The following LAMA2 variants were observed in gnomAD, a reference collection of about 807,000 sequenced individuals.
LAMA2 encodes the protein laminin subunit alpha 2.
In LAMA2, 269 loss-of-function variants were observed where a neutral mutation model predicts 364.8. The ratio of observed to expected loss-of-function variants is 0.74; its 90% CI spans 0.67 to 0.82. LAMA2 has a LOEUF of 0.82. Ranked by LOEUF, LAMA2 falls within the 40% of genes least tolerant of loss-of-function variation. The pLI is 0.00. For synonymous variants in LAMA2, 1,379 were observed against 1,370.6 expected, an observed-to-expected ratio of 1.01 and a Z score of -0.14; for missense variants, 3,807 against 3,873.2, an observed-to-expected ratio of 0.98 and a Z score of 0.45.
chr6:129,327,554 C>T (rs1292594456), intron 28 of LAMA2, among the ~76,000 whole-genome samples: 5 of 152,170 alleles, frequency 3.3e-5, no homozygotes, highest in Non-Finnish European at 5.9e-5. Flanking sequence ...AAACACAAGA[C>T]GGTTTTCATC....
intron 45 of LAMA2, among the ~76,000 whole-genome samples, chr6:129,448,403 ATGCCTTATT>A (rs1782501031): frequency 6.6e-6 from 1 of 152,236 alleles, no homozygotes. Flanking sequence ...TTACAACACA[ATGCCTTATT>A]TTTTGTAAGA....
At chr6:129,075,570 T>A (rs905069536) in intron 3 of LAMA2, among the ~76,000 whole-genome samples, 2 of 152,158 alleles carry the variant, frequency 1.3e-5, no homozygotes. Flanking sequence ...TGATGGTAAC[T>A]TGGAATAGAG....
At chr6:128,969,362 A>G (rs772749474) in intron 1 of LAMA2, among the ~76,000 whole-genome samples, 20 of 152,162 alleles carry the variant, frequency 1.3e-4, no homozygotes, top group Non-Finnish European at 2.2e-4. Context: ...CTGAGAATAG[A>G]TTTTAGCTGT....
At chr6:129,486,654 A>G (rs775705429) in intron 56 of LAMA2, 32 bp downstream of exon 56, 1 of 1,588,544 alleles carries the variant, frequency 6.3e-7, no homozygotes, top group Non-Finnish European at 8.6e-7. Flanking sequence ...TTATTATTGT[A>G]ACTCAGGTGA....
At chr6:129,067,545 C>T (rs1789452401) in intron 3 of LAMA2, among the ~76,000 whole-genome samples, 2 of 152,184 alleles carry the variant, frequency 1.3e-5, no homozygotes, top group African/African-American at 2.4e-5. Flanking sequence ...GATCACATAA[C>T]ACTTTCCACT....
At chr6:129,115,851 A>T (rs1478800) in intron 4 of LAMA2, among the ~76,000 whole-genome samples, 1 of 151,934 alleles carries the variant, frequency 6.6e-6, no homozygotes, top group Non-Finnish European at 1.5e-5. Context: ...AAATGAGATA[A>T]TTTACATAAC....
intron 12 of LAMA2, among the ~76,000 whole-genome samples, chr6:129,208,124 G>C (rs899724108): frequency 6.6e-6 from 1 of 152,144 alleles, no homozygotes; most frequent in Non-Finnish European, 1.5e-5. Flanking sequence ...AAAATAGGGG[G>C]TGGACATTTT....
At chr6:128,923,240 G>T (rs1344577159) in intron 1 of LAMA2, among the ~76,000 whole-genome samples, 2 of 151,424 alleles carry the variant, frequency 1.3e-5, no homozygotes, top group East Asian at 1.9e-4. Context: ...TTCCAACTCT[G>T]TGAAGAAAGT....
chr6:129,408,813 G>A (rs1335927454), intron 40 of LAMA2, among the ~76,000 whole-genome samples: 3 of 152,174 alleles, frequency 2.0e-5, no homozygotes, highest in Admixed American at 6.5e-5. Flanking sequence ...CCCATTGAGC[G>A]ATGACAGGGT....
At chr6:129,138,656 T>C (rs1335047284) in intron 4 of LAMA2, among the ~76,000 whole-genome samples, 1 of 152,158 alleles carries the variant, frequency 6.6e-6, no homozygotes, top group Non-Finnish European at 1.5e-5. Flanking sequence ...AATATTTCAA[T>C]ATTCCATTGA....
chr6:129,410,244 T>G lies in LAMA2; in HGVS notation c.5865+6285T>G, dbSNP rs958377382. Among the ~76,000 whole-genome samples the G allele has an allele frequency of 1.6e-4, 25 of 152,246 alleles. No individual in the cohort carries two copies. In the South Asian group the frequency reaches 2.5e-3, roughly 15 times the overall value. On this transcript the variant is annotated intron_variant, in intron 40 of 64. Coordinates refer to ENST00000421865, the MANE Select transcript of LAMA2 (RefSeq NM_000426.4). ...TCCTTCCTTTCCTCCCTTTCTCCCT[T>G]TCTCTAAGTCAGTGGAATAGTCTAG...
chr6:129,366,490 C>T (rs1406337502), intron 33 of LAMA2, 129 bp downstream of exon 33: 3 of 1,013,562 alleles, frequency 3.0e-6, no homozygotes, highest in African/African-American at 1.6e-5. Context: ...TAGGGAAATT[C>T]AGAGACTTTC....
intron 56 of LAMA2, among the ~76,000 whole-genome samples, chr6:129,489,824 G>GAT (rs1784770250): frequency 6.6e-6 from 1 of 151,592 alleles, no homozygotes; most frequent in South Asian, 2.1e-4. Context: ...CAATCCAACT[G>GAT]ATATGGTTTT....
chr6:129,088,482 C>G (rs543219485), intron 3 of LAMA2, among the ~76,000 whole-genome samples: 1 of 142,822 alleles, frequency 7.0e-6, no homozygotes, highest in African/African-American at 2.6e-5. Flanking sequence ...GGTAGAGGCG[C>G]CCCCCACCTC....
intron 8 of LAMA2, among the ~76,000 whole-genome samples, chr6:129,163,978 A>G (rs905254835): frequency 6.6e-6 from 1 of 152,134 alleles, no homozygotes; most frequent in South Asian, 2.1e-4. Flanking sequence ...ACTTCCTTGT[A>G]TGCTAATTTC....
intron 32 of LAMA2, among the ~76,000 whole-genome samples, chr6:129,357,664 C>G (rs185474975): frequency 1.3e-5 from 2 of 151,902 alleles, no homozygotes; most frequent in Non-Finnish European, 2.9e-5. Flanking sequence ...TTGGTGAAAC[C>G]GGAAGTCTGA....
chr6:129,421,621 T>G (rs1781078735), intron 40 of LAMA2, among the ~76,000 whole-genome samples: 2 of 152,148 alleles, frequency 1.3e-5, no homozygotes, highest in Non-Finnish European at 2.9e-5. Flanking sequence ...CAAATTCCAG[T>G]GAGTTGAAAC....
intron 32 of LAMA2, 79 bp downstream of exon 32, chr6:129,353,436 C>G: frequency 1.7e-6 from 2 of 1,152,686 alleles, no homozygotes; most frequent in South Asian, 1.3e-5. Flanking sequence ...AAGAGTGACT[C>G]TCCCCGCCCG....
chr6:129,225,136 A>G (rs932234114), intron 12 of LAMA2, among the ~76,000 whole-genome samples: 1 of 152,114 alleles, frequency 6.6e-6, no homozygotes. Flanking sequence ...TGTTTATAGT[A>G]TTCTCTGATG....
Sources: gnomAD v4.1 joint callset for allele counts (sites outside exome capture counted in the v4.1 genomes callset) on GRCh38, gnomAD v4.1.1 for gene constraint, MANE v1.5 for transcripts, NCBI Gene and HGNC (gene_info 2026-07-23, HGNC 2026-07-21) for gene names.